Variants in FBLN5 observed in about 807,000 individuals in gnomAD.
The protein encoded by FBLN5 is fibulin-5.
Under a neutral mutation model 61.6 loss-of-function variants are expected in FBLN5, and 24 were observed. The ratio of observed to expected loss-of-function variants is 0.39; its 90% CI spans 0.28 to 0.55. The LOEUF is 0.55. Ranked by LOEUF, FBLN5 falls within the 20% of genes least tolerant of loss-of-function variation. The pLI, the probability that FBLN5 is intolerant of heterozygous loss-of-function variation, is 0.65. For missense variants in FBLN5, 470 were observed against 594.1 expected (o/e 0.79, Z 2.17); for synonymous variants, 213 against 219.8 (o/e 0.97, Z 0.27).
chr14:91,942,287 G>A (rs985248901), intron 2 of FBLN5: 4 of 413,742 alleles, frequency 9.7e-6, no homozygotes, highest in African/African-American at 8.3e-5. Context: ...TCAGCCCAGG[G>A]ATGGGCCCTC....
intron 4 of FBLN5, among the ~76,000 whole-genome samples, chr14:91,925,190 C>T (rs1399618598): frequency 1.3e-5 from 2 of 152,236 alleles, no homozygotes; most frequent in African/African-American, 4.8e-5. Flanking sequence ...ACAGCATTGA[C>T]AAGACCCCAA....
intron 10 of FBLN5, among the ~76,000 whole-genome samples, chr14:91,875,465 C>T (rs1267999506): frequency 2.0e-5 from 3 of 152,174 alleles, no homozygotes; most frequent in Non-Finnish European, 4.4e-5. Flanking sequence ...TTTGGAGTAG[C>T]AGGTGACCAA....
chr14:91,939,337 A>ATTTT (rs5810562), intron 3 of FBLN5, among the ~76,000 whole-genome samples: 3 of 115,730 alleles, frequency 2.6e-5, no homozygotes, highest in East Asian at 2.7e-4. Context: ...ACCTCCATTA[A>ATTTT]TTTTTTTTTT....
intron 5 of FBLN5, among the ~76,000 whole-genome samples, chr14:91,894,402 C>CAAAAAAAAAA (rs58035118): frequency 2.9e-5 from 1 of 34,390 alleles, no homozygotes; most frequent in African/African-American, 1.2e-4. Context: ...GACACCATAT[C>CAAAAAAAAAA]AAAAAAAAAA....
intron 4 of FBLN5, among the ~76,000 whole-genome samples, chr14:91,905,484 G>A (rs757221607): frequency 3.3e-5 from 5 of 151,980 alleles, no homozygotes; most frequent in Non-Finnish European, 5.9e-5. Context: ...CATTTCTGGA[G>A]CCCAAAACCT....
intron 6 of FBLN5, among the ~76,000 whole-genome samples, chr14:91,890,569 G>C (rs1214155615): frequency 6.6e-6 from 1 of 152,224 alleles, no homozygotes; most frequent in African/African-American, 2.4e-5. Context: ...CCTTCAGATG[G>C]AAACCACAAT....
At position 91,927,528 on chromosome 14, in the gene FBLN5, G is replaced by C. The variant is rs1400766475; in HGVS notation, c.379+9419C>G. Among the ~76,000 whole-genome samples the C allele has an allele frequency of 2.6e-5, 4 of 152,226 alleles. No homozygotes were observed. In the South Asian group the frequency reaches 8.3e-4, roughly 32 times the overall value. On this transcript the variant is annotated intron_variant, in intron 4 of 10. Transcript: ENST00000342058. ...TGAAAAGAAATCTAAAACTAGCCTTGACAACAAAAGAGATGGTGTGATCAC... is the reference window on the plus strand; with the variant it reads ...TGAAAAGAAATCTAAAACTAGCCTTCACAACAAAAGAGATGGTGTGATCAC...
intron 9 of FBLN5, chr14:91,877,962 C>A: frequency 1.8e-6 from 1 of 540,906 alleles, no homozygotes; most frequent in Non-Finnish European, 3.5e-6. Context: ...TTAGAACATT[C>A]TCCAAGATAC....
chr14:91,883,660 A>AAAAAAAAAC (rs1260351292), intron 7 of FBLN5, among the ~76,000 whole-genome samples: 1 of 150,710 alleles, frequency 6.6e-6, no homozygotes, highest in African/African-American at 2.4e-5. Context: ...AAAAAAACAA[A>AAAAAAAAAC]AAAAACACAC....
At chr14:91,930,562 T>C (rs547951214) in intron 4 of FBLN5, among the ~76,000 whole-genome samples, 2 of 152,310 alleles carry the variant, frequency 1.3e-5, no homozygotes, top group East Asian at 1.9e-4. Context: ...TTCACGCATT[T>C]TCCTTCTGGT....
At chr14:91,905,205 C>G (rs759963382) in intron 4 of FBLN5, among the ~76,000 whole-genome samples, 1 of 152,170 alleles carries the variant, frequency 6.6e-6, no homozygotes, top group Non-Finnish European at 1.5e-5. Flanking sequence ...CCACCACTTC[C>G]GATCCCATCA....
chr14:91,929,481 G>T (rs1474318418), intron 4 of FBLN5, among the ~76,000 whole-genome samples: 1 of 152,034 alleles, frequency 6.6e-6, no homozygotes, highest in Non-Finnish European at 1.5e-5. Flanking sequence ...ATAAAACTTA[G>T]GCCAGAGAGG....
chr14:91,941,292 C>T (rs926120654), intron 2 of FBLN5, among the ~76,000 whole-genome samples: 1 of 152,082 alleles, frequency 6.6e-6, no homozygotes, highest in African/African-American at 2.4e-5. Context: ...TCCATTTCAA[C>T]CTCAGCAAGA....
In FBLN5 at chr14:91,940,727, A is replaced by G. The variant is rs2056092201; in HGVS notation, c.73-111T>C. ...GGAGCAAAAAAGAAAGGCCTCCAAA[A>G]TACCAATACCTGTATTATAACCCCT... is the stretch of plus-strand genomic sequence containing the variant. On this transcript the variant is annotated intron_variant, in intron 2 of 10. Coordinates refer to ENST00000342058, the MANE Select transcript of FBLN5 (RefSeq NM_006329.4). The G allele has an allele frequency of 3.7e-6, 3 of 812,070 alleles. No individual in the cohort carries two copies. The Admixed American group carries it at 6.0e-5, about 16-fold the overall frequency. The allele number at this position is 812,070 out of a possible 1,614,324, so 50.3% of individuals were successfully genotyped here. A position where few individuals can be genotyped will look rare whatever the true frequency, so the allele number is the denominator to read the frequency against.
chr14:91,927,064 A>G (rs1013201961), intron 4 of FBLN5, among the ~76,000 whole-genome samples: 3 of 152,134 alleles, frequency 2.0e-5, no homozygotes, highest in African/African-American at 7.2e-5. Flanking sequence ...CTCACTTCAG[A>G]TCCTTTGAGA....
chr14:91,925,819 G>T lies in FBLN5; in HGVS notation c.379+11128C>A, dbSNP rs575620102. Among the ~76,000 whole-genome samples, 12 of 152,324 alleles carry T rather than the reference G, an allele frequency of 7.9e-5. No individual in the cohort carries two copies. The South Asian group carries it at 1.9e-3, about 24-fold the overall frequency. On this transcript the variant is annotated intron_variant, in intron 4 of 10. Coordinates refer to ENST00000342058, the MANE Select transcript of FBLN5 (RefSeq NM_006329.4). ...GAGCTGCCGTGGTACCCAGCGTCTT[G>T]CTGGGTGCAGGACAGCCACAGCGAC...
Position 91,879,450 on chromosome 14 carries a change from G to A in FBLN5, c.990-1768C>T, listed in dbSNP as rs956489856. ...GAGCTGGAAGGGGCTGCCGGAGTCT[G>A]ACTGGACTGGAGCCTGGAGTGAGGG... On this transcript the variant is annotated intron_variant, in intron 9 of 10. Transcript: ENST00000342058. Among the ~76,000 whole-genome samples the A allele has an allele frequency of 4.6e-5, 7 of 152,344 alleles. No individual in the cohort carries two copies. The East Asian group carries it at 5.8e-4, about 13-fold the overall frequency.
chr14:91,930,461 T>C (rs2055904132), intron 4 of FBLN5, among the ~76,000 whole-genome samples: 1 of 152,110 alleles, frequency 6.6e-6, no homozygotes. Context: ...CTCAATGCGA[T>C]CCCATTTCCT....
At chr14:91,881,788 T>C (rs1032196463) in intron 8 of FBLN5, among the ~76,000 whole-genome samples, 1 of 151,032 alleles carries the variant, frequency 6.6e-6, no homozygotes, top group East Asian at 1.9e-4. Flanking sequence ...ATATATATAA[T>C]TTTTTTTAAT....
Sources: gnomAD v4.1 joint callset for allele counts (sites outside exome capture counted in the v4.1 genomes callset) on GRCh38, gnomAD v4.1.1 for gene constraint, MANE v1.5 for transcripts, NCBI Gene and HGNC (gene_info 2026-07-23, HGNC 2026-07-21) for gene names.